The following CRYZ variants were observed in gnomAD, a reference collection of about 807,000 sequenced individuals.
CRYZ encodes the protein crystallin zeta.
Under a neutral mutation model 34.1 loss-of-function variants are expected in CRYZ, and 35 were observed. That is an observed-to-expected ratio of 1.03 (90% confidence interval 0.78 to 1.36). CRYZ has a LOEUF of 1.36. Ranked by LOEUF, CRYZ falls within the 40% of genes most tolerant of loss-of-function variation. CRYZ has a pLI of 0.00. For missense variants in CRYZ, 403 were observed against 391.8 expected, an observed-to-expected ratio of 1.03 and a Z score of -0.24; for synonymous variants, 137 against 136.5, an observed-to-expected ratio of 1.00 and a Z score of -0.03.
chr1:74,721,243 T>G (rs1329418408), intron 3 of CRYZ, among the ~76,000 whole-genome samples: 1 of 152,176 alleles, frequency 6.6e-6, no homozygotes, highest in Non-Finnish European at 1.5e-5. Context: ...TCCATGTTTG[T>G]AAGTTTCAAT....
chr1:74,731,226 G>A (rs994684376), intron 1 of CRYZ, among the ~76,000 whole-genome samples: 1 of 152,060 alleles, frequency 6.6e-6, no homozygotes, highest in Non-Finnish European at 1.5e-5. Flanking sequence ...CTTTTTCCTG[G>A]CTATGCTTGT....
At chr1:74,723,841 G>A (rs1262128549) in intron 2 of CRYZ, among the ~76,000 whole-genome samples, 1 of 152,172 alleles carries the variant, frequency 6.6e-6, no homozygotes, top group African/African-American at 2.4e-5. Context: ...TAAATTTAGT[G>A]TATAAGAAAT....
chr1:74,724,163 T>TTGTAAAGA (rs1272960227), intron 2 of CRYZ, among the ~76,000 whole-genome samples: 1 of 151,976 alleles, frequency 6.6e-6, no homozygotes, highest in African/African-American at 2.4e-5. Flanking sequence ...AGAAATAAAT[T>TTGTAAAGA]TGTAAAGATA....
At chr1:74,721,284 A>T (rs1367522704) in intron 3 of CRYZ, among the ~76,000 whole-genome samples, 1 of 152,182 alleles carries the variant, frequency 6.6e-6, no homozygotes, top group African/African-American at 2.4e-5. Context: ...AACCAATATG[A>T]ACAAAAACAC....
At chr1:74,718,221 T>C (rs1232360166) in intron 4 of CRYZ, among the ~76,000 whole-genome samples, 1 of 152,098 alleles carries the variant, frequency 6.6e-6, no homozygotes, top group Non-Finnish European at 1.5e-5. Context: ...ATAGTTATTC[T>C]TTCCTCTCTA....
In CRYZ at chr1:74,724,735, T is replaced by G. The variant is rs377250201; in HGVS notation, c.87A>C (p.Ala29=). The G allele has an allele frequency of 3.7e-6, 6 of 1,611,788 alleles. No individual in the cohort carries two copies. The African/African-American group carries it at 4.0e-5, about 11-fold the overall frequency. ...CCTGATGGTCTTTTGGAATCGGTAC[T>G]GCAATATCTGATCGCAATTTCAGGA... ...PEVLKLRSDI[A]VPIPKDHQVL... Residue 29 remains alanine, a synonymous_variant, in exon 2 of 9, where the codon GCA becomes GCC. Transcript: ENST00000340866.
At chr1:74,709,882 A>G (rs1646977602) in intron 6 of CRYZ, among the ~76,000 whole-genome samples, 1 of 152,222 alleles carries the variant, frequency 6.6e-6, no homozygotes, top group Non-Finnish European at 1.5e-5. Context: ...GCTATATTCT[A>G]TTTAATACAC....
chr1:74,719,621 G>A (rs2100714682), intron 3 of CRYZ, among the ~76,000 whole-genome samples: 1 of 151,682 alleles, frequency 6.6e-6, no homozygotes, highest in East Asian at 1.9e-4. Context: ...TCAGCCTCCT[G>A]AGTAGCTAGG....
rs991245492 is a variant in CRYZ at position 74,706,914 on chromosome 1, G to C, written c.813C>G (p.Leu271=). ...AKESSIIGVT[L]FSSTKEEFQQ... The stretch of plus-strand genomic sequence containing the variant: ...CTTTTCCTACCTTGGTTGAGGAAAA[G>C]AGAGTAACTCCAATTATACTCGACT... Residue 271 remains leucine, a synonymous_variant, in exon 8 of 9, where the codon CTC becomes CTG. Coordinates refer to ENST00000340866, the MANE Select transcript of CRYZ (RefSeq NM_001889.4). 2 of 1,612,540 alleles carry C rather than the reference G, an allele frequency of 1.2e-6. No individual in the cohort carries two copies. Among genetic ancestry groups the C allele is most frequent in the Non-Finnish European group, 1.7e-6 (2 of 1,179,030 alleles).
At position 74,706,986 on chromosome 1, in the gene CRYZ, G is replaced by A. The variant is rs1380131392; in HGVS notation, c.741C>T (p.Gly247=). 3.1e-6 allele frequency: 5 copies of A among 1,612,006 alleles called. No individual in the cohort carries two copies. The highest frequency in any genetic ancestry group is 3.3e-5 in the Admixed American group (2 of 59,850). Residue 247 remains glycine (G), a synonymous_variant, in exon 8 of 9, where the codon GGC becomes GGT. Transcript: ENST00000340866. ...GGTTTATTTCAATAGTACCTCTGCT[G>A]CCAACAACCTAACATGAAAAACAGC... ...LSHGGRVIVV[G]SRGTIEINPR...
At chr1:74,724,453 T>C (rs1467782862) in intron 2 of CRYZ, among the ~76,000 whole-genome samples, 2 of 152,146 alleles carry the variant, frequency 1.3e-5, no homozygotes, top group African/African-American at 2.4e-5. Context: ...TTCAGAAAAA[T>C]CCAATTATTG....
At chr1:74,711,548 G>C (rs1475067757) in intron 5 of CRYZ, among the ~76,000 whole-genome samples, 1 of 152,198 alleles carries the variant, frequency 6.6e-6, no homozygotes, top group Non-Finnish European at 1.5e-5. Context: ...AGATTAACTG[G>C]GTAGAGTGAG....
chr1:74,731,790 A>T (rs1267888450), intron 1 of CRYZ, among the ~76,000 whole-genome samples: 1 of 152,198 alleles, frequency 6.6e-6, no homozygotes, highest in Non-Finnish European at 1.5e-5. Flanking sequence ...CAAGCATTCC[A>T]AACTTTAGCC....
chr1:74,714,045 C>T (rs188363022), intron 5 of CRYZ, among the ~76,000 whole-genome samples: 6 of 152,014 alleles, frequency 3.9e-5, no homozygotes, highest in Admixed American at 2.0e-4. Flanking sequence ...CATTTTCAGC[C>T]ATGGGTTGTG....
intron 4 of CRYZ, 52 bp downstream of exon 4, chr1:74,719,157 A>T (rs372321216): frequency 1.3e-6 from 2 of 1,577,112 alleles, no homozygotes; most frequent in Non-Finnish European, 1.7e-6. Context: ...GCAGGCAGTT[A>T]ACACTACCCT....
chr1:74,715,053 C>CAAGTAA, intron 4 of CRYZ, among the ~76,000 whole-genome samples: 1 of 152,194 alleles, frequency 6.6e-6, no homozygotes, highest in Non-Finnish European at 1.5e-5. Context: ...GAGTAATGTC[C>CAAGTAA]AAGTAAACAC....
At chr1:74,713,644 C>T (rs932166171) in intron 5 of CRYZ, among the ~76,000 whole-genome samples, 2 of 152,134 alleles carry the variant, frequency 1.3e-5, no homozygotes, top group African/African-American at 4.8e-5. Flanking sequence ...TACCTGGGCA[C>T]TTTTAAAGGT....
At chr1:74,732,597 C>CGGGGGGGGGGGGGGGGG (rs56898084) in intron 1 of CRYZ, among the ~76,000 whole-genome samples, 1 of 52,660 alleles carries the variant, frequency 1.9e-5, no homozygotes, top group Admixed American at 1.6e-4. Context: ...GGGTGACTGG[C>CGGGGGGGGGGGGGGGGG]GGGGGGGGGG....
intron 4 of CRYZ, among the ~76,000 whole-genome samples, chr1:74,716,531 A>G (rs1177861915): frequency 6.6e-6 from 1 of 152,080 alleles, no homozygotes; most frequent in South Asian, 2.1e-4. Flanking sequence ...CAGAAAGAAA[A>G]TCAAGCATCA....
Sources: gnomAD v4.1 joint callset for allele counts (sites outside exome capture counted in the v4.1 genomes callset) on GRCh38, gnomAD v4.1.1 for gene constraint, MANE v1.5 for transcripts, NCBI Gene and HGNC (gene_info 2026-07-23, HGNC 2026-07-21) for gene names.